The following TDRD3 variants were observed in gnomAD, a reference collection of about 807,000 sequenced individuals.
The protein encoded by TDRD3 is tudor domain containing 3, also known as tudor domain-containing protein 3.
TDRD3 carries 45 observed loss-of-function variants against 86.7 expected under a neutral mutation model. The ratio of observed to expected loss-of-function variants is 0.52; its 90% CI spans 0.41 to 0.67. TDRD3 has a LOEUF of 0.67. Ranked by LOEUF, TDRD3 falls within the 30% of genes least tolerant of loss-of-function variation. TDRD3 has a pLI of 0.00. For synonymous variants in TDRD3, 298 were observed against 301.7 expected, an observed-to-expected ratio of 0.99 and a Z score of 0.13; for missense variants, 814 against 889.0, an observed-to-expected ratio of 0.92 and a Z score of 1.07.
chr13:60,563,972 A>G (rs1347522330), intron 12 of TDRD3, among the ~76,000 whole-genome samples: 2 of 152,090 alleles, frequency 1.3e-5, no homozygotes, highest in Non-Finnish European at 2.9e-5. Flanking sequence ...TCCTTTTTGC[A>G]TTGGTTTTTG....
At chr13:60,426,974 A>T (rs1004964188) in intron 1 of TDRD3, among the ~76,000 whole-genome samples, 1 of 152,208 alleles carries the variant, frequency 6.6e-6, no homozygotes, top group African/African-American at 2.4e-5. Flanking sequence ...ACTGTGGGCA[A>T]TTGTAACACA....
intron 12 of TDRD3, among the ~76,000 whole-genome samples, chr13:60,539,016 T>C (rs1367214824): frequency 6.6e-6 from 1 of 152,198 alleles, no homozygotes. Context: ...ATTGTTCAGC[T>C]ATTATTTCAA....
chr13:60,473,435 G>T (rs1956113289), intron 5 of TDRD3, among the ~76,000 whole-genome samples: 1 of 152,152 alleles, frequency 6.6e-6, no homozygotes, highest in Non-Finnish European at 1.5e-5. Flanking sequence ...TCTGTTATCT[G>T]CATTATTAGC....
At chr13:60,455,831 G>A (rs1365649898) in intron 3 of TDRD3, among the ~76,000 whole-genome samples, 1 of 152,042 alleles carries the variant, frequency 6.6e-6, no homozygotes, top group East Asian at 1.9e-4. Context: ...ACTTTAGAAG[G>A]CCAAGGTGGG....
chr13:60,475,196 G>A (rs1566222967), intron 5 of TDRD3, among the ~76,000 whole-genome samples: 1 of 151,928 alleles, frequency 6.6e-6, no homozygotes, highest in East Asian at 1.9e-4. Flanking sequence ...CCCATGTAGT[G>A]AGCATAGTAC....
At chr13:60,464,009 G>A (rs1955860033) in intron 4 of TDRD3, among the ~76,000 whole-genome samples, 1 of 152,096 alleles carries the variant, frequency 6.6e-6, no homozygotes, top group African/African-American at 2.4e-5. Flanking sequence ...TCCTGTGGGC[G>A]CTGGTTGTTA....
rs998367071 is a variant in TDRD3, at chr13:60,438,797, A to G, written c.42-891A>G. On this transcript the variant is annotated intron_variant, in intron 1 of 13. Transcript: ENST00000377881. ...CTTGAGTTAGATCTCTTAGACTAGC[A>G]GTCTTGGATCCTTTTAACTGTGGAA... Among the ~76,000 whole-genome samples the G allele has an allele frequency of 4.6e-5, 7 of 152,116 alleles. No individual in the cohort carries two copies. In the East Asian group the frequency reaches 1.3e-3, roughly 29 times the overall value.
chr13:60,555,848 C>CTTTTTTTT lies in TDRD3; in HGVS notation c.2119-11674_2119-11673insTTTTTTTT, dbSNP rs770710929. ...GGTAGGAAAAAAAACCAACCTATTT[C>CTTTTTTTT]TTTCTTTTTTTTTTTTTTTTGAGAT... On this transcript the variant is annotated intron_variant, in intron 12 of 13. Coordinates refer to ENST00000377881, the MANE Select transcript of TDRD3 (RefSeq NM_001146070.2). Among the ~76,000 whole-genome samples, 20 of 136,136 alleles carry CTTTTTTTT rather than the reference C, an allele frequency of 1.5e-4. 1 individual carries two copies. The highest frequency in any genetic ancestry group is 1.7e-4 in the Non-Finnish European group (11 of 63,208). 89.3% of individuals were successfully genotyped at this position (136,136 alleles called of 152,430 possible).
In TDRD3 at chr13:60,485,873, C is replaced by G. The variant is rs761994598; in HGVS notation, c.642C>G (p.Val214=). 2 of 1,610,900 alleles carry G rather than the reference C, an allele frequency of 1.2e-6. No homozygotes were observed. The highest frequency in any genetic ancestry group is 2.7e-5 in the African/African-American group (2 of 74,838). ...AAACATTGCAAGTTACAATGCCTGTCAAACCTACAAATGATAATGATGAAT... is the reference window on the plus strand; with the variant it reads ...AAACATTGCAAGTTACAATGCCTGTGAAACCTACAAATGATAATGATGAAT... The part of the protein sequence containing the change: ...RRKTLQVTMP[V]KPTNDNDEFE... The change falls in exon 7 of 14, where the codon GTC becomes GTG. Residue 214 remains valine (V), a synonymous_variant. Coordinates refer to ENST00000377881, the MANE Select transcript of TDRD3 (RefSeq NM_001146070.2).
intron 12 of TDRD3, among the ~76,000 whole-genome samples, chr13:60,556,097 C>T (rs574440575): frequency 5.9e-5 from 9 of 152,242 alleles, no homozygotes; most frequent in East Asian, 5.8e-4. Context: ...CTGCCTGCCT[C>T]GGCCTCCCAA....
At chr13:60,497,010 C>G (rs1411616829) in intron 8 of TDRD3, among the ~76,000 whole-genome samples, 1 of 152,172 alleles carries the variant, frequency 6.6e-6, no homozygotes, top group African/African-American at 2.4e-5. Context: ...AACTAGTGTT[C>G]AGCTCAATTA....
chr13:60,511,761 T>C (rs938884610), intron 10 of TDRD3, among the ~76,000 whole-genome samples: 3 of 152,184 alleles, frequency 2.0e-5, no homozygotes, highest in Admixed American at 2.0e-4. Flanking sequence ...TCCCGTTTTT[T>C]GCTTGGTGTT....
intron 3 of TDRD3, among the ~76,000 whole-genome samples, chr13:60,455,486 G>C (rs1368895875): frequency 1.3e-5 from 2 of 152,066 alleles, no homozygotes; most frequent in Admixed American, 1.3e-4. Flanking sequence ...ATGATCCCTA[G>C]GAAATCTCCC....
intron 2 of TDRD3, among the ~76,000 whole-genome samples, chr13:60,443,506 A>G (rs1265174294): frequency 6.6e-6 from 1 of 151,980 alleles, no homozygotes; most frequent in Non-Finnish European, 1.5e-5. Flanking sequence ...TCACAGTAGT[A>G]AAAAACTGGA....
chr13:60,414,167 C>T (rs1307431525), intron 1 of TDRD3, among the ~76,000 whole-genome samples: 1 of 151,586 alleles, frequency 6.6e-6, no homozygotes, highest in Non-Finnish European at 1.5e-5. Flanking sequence ...AGACAATGTA[C>T]GTTTTTTTTT....
intron 5 of TDRD3, 101 bp from the exon 6 acceptor site, chr13:60,483,674 A>C (rs9528147): frequency 0.15 from 158,833 of 1,027,516 alleles, 12,859 homozygotes; most frequent in South Asian, 0.19. Context: ...CCTATTTCTT[A>C]TAAGAATCTA....
In TDRD3 at chr13:60,494,407, C is replaced by T. The variant is rs1167288216; in HGVS notation, c.718-28C>T. On this transcript the variant is annotated intron_variant, in intron 7 of 13. Transcript: ENST00000377881. ...CTATTTTTAAATGCTGTCTACATAC[C>T]TCTCTTTTATCTTTCTCTTATGTAA... The T allele has an allele frequency of 3.2e-6, 5 of 1,586,462 alleles. No homozygotes were observed. The South Asian group carries it at 5.9e-5, about 19-fold the overall frequency.
chr13:60,509,749 T>C lies in TDRD3; in HGVS notation c.859-14T>C. On this transcript the variant is annotated splice_polypyrimidine_tract_variant and intron_variant, in intron 8 of 13. Coordinates refer to ENST00000377881, the MANE Select transcript of TDRD3 (RefSeq NM_001146070.2). Reference sequence around the variant, plus strand: ...TGTGGGCTATCAGCCAGCTTTTCTCTTTATTCCTTCCAGGTTGATGAGAAA... The same window carrying C: ...TGTGGGCTATCAGCCAGCTTTTCTCCTTATTCCTTCCAGGTTGATGAGAAA... The C allele has an allele frequency of 6.2e-7, 1 of 1,613,492 alleles. No individual in the cohort carries two copies. Among genetic ancestry groups the C allele is most frequent in the Non-Finnish European group, 8.5e-7 (1 of 1,179,492 alleles).
intron 5 of TDRD3, among the ~76,000 whole-genome samples, chr13:60,468,716 T>C (rs999329070): frequency 6.6e-6 from 1 of 152,178 alleles, no homozygotes; most frequent in Non-Finnish European, 1.5e-5. Context: ...ACCATTTTTT[T>C]CTGTTATACC....
Sources: allele counts gnomAD v4.1 joint callset (sites outside exome capture counted in the v4.1 genomes callset), GRCh38; gene constraint gnomAD v4.1.1; transcripts MANE v1.5; gene names NCBI Gene and HGNC (gene_info 2026-07-23, HGNC 2026-07-21).